Variants in ARMH4 observed in about 807,000 individuals in gnomAD.
ARMH4 encodes the protein armadillo like helical domain containing 4, also known as armadillo-like helical domain-containing protein 4.
In ARMH4, 49 loss-of-function variants were observed where a neutral mutation model predicts 61.9. That is an observed-to-expected ratio of 0.79 (90% CI 0.63 to 1.00). The LOEUF is 1.00. Ranked by LOEUF, ARMH4 falls within the 50% of genes least tolerant of loss-of-function variation. The pLI, the probability that ARMH4 is intolerant of heterozygous loss-of-function variation, is 0.00. For synonymous variants in ARMH4, 368 were observed against 341.5 expected, an observed-to-expected ratio of 1.08 and a Z score of -0.85; for missense variants, 934 against 930.0, an observed-to-expected ratio of 1.00 and a Z score of -0.06.
intron 5 of ARMH4, among the ~76,000 whole-genome samples, chr14:58,057,790 G>A (rs1286966629): frequency 2.0e-5 from 3 of 152,120 alleles, no homozygotes; most frequent in Non-Finnish European, 4.4e-5. Flanking sequence ...AAGCTCTAAT[G>A]GTCTGCAGCA....
At position 58,059,237 on chromosome 14, in the gene ARMH4, G is replaced by A. The variant is rs145881787; in HGVS notation, c.2089+37487C>T. Among the ~76,000 whole-genome samples the A allele has an allele frequency of 1.2e-4, 19 of 152,344 alleles. No homozygotes were observed. The East Asian group carries it at 1.3e-3, about 11-fold the overall frequency. ...TCAGGCTGGGCATCTTCAGAAACAG[G>A]AGAAGCCTGCATAACACATTTAAAT... On this transcript the variant is annotated intron_variant, in intron 5 of 7. Coordinates refer to ENST00000267485, the MANE Select transcript of ARMH4 (RefSeq NM_001001872.4).
At chr14:58,074,705 G>A (rs376995314) in intron 5 of ARMH4, among the ~76,000 whole-genome samples, 97 of 152,196 alleles carry the variant, frequency 6.4e-4, no homozygotes, top group East Asian at 4.4e-3. Context: ...AAATAGCCTC[G>A]AAAGCCCAGA....
At chr14:58,023,644 T>C (rs534629767) in intron 5 of ARMH4, among the ~76,000 whole-genome samples, 2 of 152,334 alleles carry the variant, frequency 1.3e-5, no homozygotes, top group South Asian at 2.1e-4. Context: ...TCTAGAAAGA[T>C]GAATCCTTTC....
chr14:58,119,902 T>C (rs973342824), intron 4 of ARMH4, among the ~76,000 whole-genome samples: 1 of 152,220 alleles, frequency 6.6e-6, no homozygotes, highest in Non-Finnish European at 1.5e-5. Context: ...CACCACTCTT[T>C]AGAATTTTTT....
chr14:58,137,787 A>G (rs962975500), intron 2 of ARMH4, among the ~76,000 whole-genome samples: 1 of 152,052 alleles, frequency 6.6e-6, no homozygotes, highest in Admixed American at 6.6e-5. Context: ...AGGTCTCACT[A>G]TATCACCCAA....
At chr14:58,134,374 A>G (rs1281775217) in intron 2 of ARMH4, among the ~76,000 whole-genome samples, 1 of 152,166 alleles carries the variant, frequency 6.6e-6, no homozygotes, top group African/African-American at 2.4e-5. Context: ...ATTCCCTCAA[A>G]TACAGTATTA....
chr14:58,065,305 C>T (rs1018950622), intron 5 of ARMH4, among the ~76,000 whole-genome samples: 1 of 152,182 alleles, frequency 6.6e-6, no homozygotes, highest in African/African-American at 2.4e-5. Flanking sequence ...TGCAGCCTTT[C>T]ATTCTTTGGA....
At chr14:58,030,098 G>C (rs1883173084) in intron 5 of ARMH4, among the ~76,000 whole-genome samples, 2 of 152,190 alleles carry the variant, frequency 1.3e-5, no homozygotes, top group Non-Finnish European at 2.9e-5. Flanking sequence ...AGTGAATGAA[G>C]ACACTAAGGG....
At chr14:58,095,050 C>T (rs1885702515) in intron 5 of ARMH4, among the ~76,000 whole-genome samples, 1 of 152,176 alleles carries the variant, frequency 6.6e-6, no homozygotes, top group African/African-American at 2.4e-5. Flanking sequence ...AGCCTTGATT[C>T]AGAGCCTCCT....
At chr14:58,095,636 C>T (rs948287761) in intron 5 of ARMH4, among the ~76,000 whole-genome samples, 4 of 152,200 alleles carry the variant, frequency 2.6e-5, no homozygotes, top group African/African-American at 9.7e-5. Context: ...TGTCTGTCCA[C>T]TGGAAGCCCA....
intron 4 of ARMH4, among the ~76,000 whole-genome samples, chr14:58,114,325 C>T (rs74699915): frequency 0.059 from 8,926 of 152,162 alleles, 852 homozygotes; most frequent in African/African-American, 0.2. Context: ...AGACACCTAG[C>T]ACAACAATGA....
At chr14:58,098,248 A>C (rs1885828196) in intron 4 of ARMH4, among the ~76,000 whole-genome samples, 1 of 150,530 alleles carries the variant, frequency 6.6e-6, no homozygotes, top group Non-Finnish European at 1.5e-5. Context: ...AAAAAAAATC[A>C]CCTTTAATCT....
intron 4 of ARMH4, among the ~76,000 whole-genome samples, chr14:58,122,533 G>A (rs753218592): frequency 3.9e-5 from 6 of 152,002 alleles, no homozygotes; most frequent in Non-Finnish European, 5.9e-5. Context: ...CCTTAGGCCC[G>A]GAGCAAAACT....
intron 6 of ARMH4, among the ~76,000 whole-genome samples, chr14:58,008,109 G>A (rs1451710972): frequency 6.6e-6 from 1 of 152,116 alleles, no homozygotes; most frequent in Non-Finnish European, 1.5e-5. Flanking sequence ...TTCCATAAAA[G>A]TATTATATCG....
At chr14:58,054,348 A>G (rs1033698390) in intron 5 of ARMH4, among the ~76,000 whole-genome samples, 6 of 152,154 alleles carry the variant, frequency 3.9e-5, no homozygotes, top group Admixed American at 6.5e-5. Flanking sequence ...TTCAGTTTCT[A>G]TGTTGGCCAG....
intron 4 of ARMH4, among the ~76,000 whole-genome samples, chr14:58,118,644 TCAGA>T (rs1357288079): frequency 1.3e-5 from 2 of 152,020 alleles, no homozygotes; most frequent in Non-Finnish European, 2.9e-5. Context: ...TATAAAACAC[TCAGA>T]CAGAGCACGG....
intron 5 of ARMH4, among the ~76,000 whole-genome samples, chr14:58,039,130 C>T (rs540848546): frequency 6.6e-6 from 1 of 152,332 alleles, no homozygotes; most frequent in Admixed American, 6.5e-5. Flanking sequence ...TCAAGTGGGC[C>T]ACTTCGGCTC....
intron 2 of ARMH4, among the ~76,000 whole-genome samples, chr14:58,134,822 T>C (rs1434724664): frequency 6.6e-6 from 1 of 151,884 alleles, no homozygotes. Context: ...CTGGGCATAG[T>C]GGCACATTCC....
chr14:58,111,921 G>A (rs1202517961), intron 4 of ARMH4, among the ~76,000 whole-genome samples: 1 of 151,966 alleles, frequency 6.6e-6, no homozygotes, highest in Non-Finnish European at 1.5e-5. Context: ...TCAAACTCCT[G>A]GTCTCAAGCA....
Sources: allele counts gnomAD v4.1 joint callset (sites outside exome capture counted in the v4.1 genomes callset), GRCh38; gene constraint gnomAD v4.1.1; transcripts MANE v1.5; gene names NCBI Gene and HGNC (gene_info 2026-07-23, HGNC 2026-07-21).